The following MYH13 variants were observed in gnomAD, a reference collection of about 807,000 sequenced individuals.
MYH13 encodes the protein myosin-13.
Under a neutral mutation model 232.1 loss-of-function variants are expected in MYH13, and 177 were observed. The ratio of observed to expected loss-of-function variants is 0.76; its 90% CI spans 0.67 to 0.86. The LOEUF (loss-of-function observed/expected upper bound fraction) is 0.86. MYH13 is among the 40% of genes least tolerant of loss of function. The pLI is 0.00. For missense variants in MYH13, 2,246 were observed against 2,405.9 expected (o/e 0.93, Z 1.39); for synonymous variants, 884 against 923.5 (o/e 0.96, Z 0.78).
Position 10,332,127 on chromosome 17 carries a change from C to G in MYH13, c.2270G>C (p.Arg757Pro). 6.2e-7 allele frequency: 1 copy of G among 1,613,986 alleles called. No individual in the cohort carries two copies. Among genetic ancestry groups the G allele is most frequent in the Non-Finnish European group, 8.5e-7 (1 of 1,179,876 alleles). Residue 757 changes from arginine to proline, a missense_variant, in exon 20 of 41, where the codon CGG becomes CCG. By Grantham distance (103) the Arg-to-Pro change is moderately radical (BLOSUM62 -2). Transcript: ENST00000252172. The stretch of plus-strand genomic sequence containing the variant: ...GGTGTTGCCGAACCTGAACTGCTCC[C>G]GGTCCACATCGATGGAGTTGAGGAG... ...EKLLNSIDVD[R>P]EQFRFGNTKV...
intron 2 of MYH13, among the ~76,000 whole-genome samples, chr17:10,366,806 G>A (rs1419329262): frequency 6.6e-6 from 1 of 152,138 alleles, no homozygotes. Context: ...TTGGTAACTG[G>A]CCATTGTTGA....
In MYH13 at chr17:10,306,492, G is replaced by A. The variant is rs140857232; in HGVS notation, c.5433C>T (p.Gly1811=). Residue 1811 remains glycine, a synonymous_variant, in exon 37 of 41, where the codon GGC becomes GGT. Coordinates refer to ENST00000252172, the MANE Select transcript of MYH13 (RefSeq NM_003802.3). The surrounding 1 kb of genome is among the most constrained non-coding windows in gnomAD (Gnocchi z 4.3). ...LDEAEQLALK[G]GKKQIQKLEN... ...CCAGTTTCTGGATCTGCTTCTTCCC[G>A]CCCTTCAGCGCCAGTTGTTCAGCCT... 5.6e-6 allele frequency: 9 copies of A among 1,613,980 alleles called. No individual in the cohort carries two copies. Among genetic ancestry groups the A allele is most frequent in the Admixed American group, 5.0e-5 (3 of 60,000 alleles).
chr17:10,338,173 G>A (rs1045570130), intron 18 of MYH13, among the ~76,000 whole-genome samples: 3 of 152,178 alleles, frequency 2.0e-5, no homozygotes, highest in African/African-American at 7.2e-5. Context: ...CCACAAGCAT[G>A]TTTGATTTAT....
At chr17:10,311,835 G>A in intron 32 of MYH13, 76 bp downstream of exon 32, 4 of 1,540,996 alleles carry the variant, frequency 2.6e-6, no homozygotes, top group Non-Finnish European at 3.6e-6. Context: ...GTCTGGAGAT[G>A]GCTGTGGCCA....
chr17:10,307,883 G>A (rs985807976), intron 35 of MYH13, among the ~76,000 whole-genome samples: 1 of 152,100 alleles, frequency 6.6e-6, no homozygotes, highest in African/African-American at 2.4e-5. Context: ...TAGTTATGAG[G>A]AAGTTCATCA....
chr17:10,310,994 T>A (rs1906489999), intron 33 of MYH13, 109 bp downstream of exon 33: 3 of 1,374,594 alleles, frequency 2.2e-6, no homozygotes, highest in Non-Finnish European at 3.0e-6. Context: ...TTACTCCCAA[T>A]GGAGACTCAG....
In MYH13 at chr17:10,365,840, GGTGTGTGTGTGTGTGTGTGTGTGT is replaced by G. The variant is rs150455118; in HGVS notation, c.-12-1322_-12-1299del. 2.9e-3 allele frequency among the ~76,000 whole-genome samples: 402 copies of G among 140,290 alleles called. 16 individuals carry two copies. The East Asian group carries it at 0.067, about 23-fold the overall frequency. 92.0% of individuals were successfully genotyped at this position (140,290 alleles called of 152,430 possible). ...ATACCCACCTTAGAACTTGCTGCAT[GGTGTGTGTGTGTGTGTGTGTGTGT>G]GTGTGTGTGTGTGTGTGTGTGTATG... On this transcript the variant is annotated intron_variant, in intron 2 of 40. Transcript: ENST00000252172.
At chr17:10,362,606 C>T (rs1033198751) in intron 3 of MYH13, 103 bp from the exon 4 acceptor site, 21 of 1,448,612 alleles carry the variant, frequency 1.4e-5, no homozygotes, top group East Asian at 6.8e-5. Flanking sequence ...GAGGAATTAC[C>T]GCATTGTGAT....
In MYH13 at chr17:10,309,547, A is replaced by G. The variant is rs773850780; in HGVS notation, c.4940T>C (p.Leu1647Pro). The change falls in exon 34 of 41, where the codon CTG (leucine) becomes CCG (proline). Residue 1647 changes from leucine to proline, a missense_variant. Coordinates refer to ENST00000252172, the MANE Select transcript of MYH13 (RefSeq NM_003802.3). ...CTTGAGCTGGCCCTGGACCGTGCGC[A>G]GATGCTTCTGGGTCTCTGCCATCTG... Reference protein sequence around the residue: ...NRQMAETQKHLRTVQGQLKDS... With the variant: ...NRQMAETQKHPRTVQGQLKDS... 12 of 1,611,994 alleles carry G rather than the reference A, an allele frequency of 7.4e-6. No homozygotes were observed. The Middle Eastern group carries it at 4.9e-4, about 66-fold the overall frequency.
chr17:10,354,170 A>G (rs1157236902), intron 11 of MYH13, among the ~76,000 whole-genome samples: 2 of 152,198 alleles, frequency 1.3e-5, no homozygotes, highest in Non-Finnish European at 2.9e-5. Flanking sequence ...AAGATTATTA[A>G]TCCTACAGGT....
Position 10,319,016 on chromosome 17 carries a change from C to G in MYH13, c.3512G>C (p.Arg1171Thr). Residue 1171 changes from arginine to threonine, a missense_variant, in exon 27 of 41, where the codon AGG (arginine) becomes ACG (threonine). Arg to Thr is a moderately conservative substitution (Grantham distance 71). Coordinates refer to ENST00000252172, the MANE Select transcript of MYH13 (RefSeq NM_003802.3). ...GCGCATTTTCTGGAACTCAGCCTCC[C>G]TCTTCTTGTTCATCTCAATCTGGGC... is the stretch of plus-strand genomic sequence containing the variant. ...TSAQIEMNKK[R>T]EAEFQKMRRD... is the part of the protein sequence containing the mutation. 1.2e-6 allele frequency: 2 copies of G among 1,614,140 alleles called. No individual in the cohort carries two copies. Among genetic ancestry groups the G allele is most frequent in the Non-Finnish European group, 1.7e-6 (2 of 1,180,024 alleles).
intron 2 of MYH13, among the ~76,000 whole-genome samples, chr17:10,365,767 T>G (rs1425469971): frequency 1.3e-5 from 2 of 151,862 alleles, no homozygotes; most frequent in African/African-American, 4.8e-5. Context: ...TCTCTAAACT[T>G]TGTGCGTGGC....
intron 8 of MYH13, among the ~76,000 whole-genome samples, 185 bp downstream of exon 8, chr17:10,357,550 C>G (rs563497775): frequency 1.2e-4 from 18 of 152,264 alleles, no homozygotes; most frequent in African/African-American, 4.3e-4. Context: ...CTCCCTCTGC[C>G]AGGACCAAGC....
At chr17:10,336,226 C>G (rs1160093766) in intron 18 of MYH13, among the ~76,000 whole-genome samples, 1 of 152,086 alleles carries the variant, frequency 6.6e-6, no homozygotes, top group African/African-American at 2.4e-5. Context: ...TTTCCTTAAA[C>G]CCGGCCTGAG....
At chr17:10,351,330 T>C (rs981085978) in intron 11 of MYH13, among the ~76,000 whole-genome samples, 7 of 152,020 alleles carry the variant, frequency 4.6e-5, no homozygotes, top group Non-Finnish European at 8.8e-5. Context: ...TACTGAGAGC[T>C]GGGAATGTCA....
intron 15 of MYH13, among the ~76,000 whole-genome samples, chr17:10,344,820 CA>C (rs10566615): frequency 0.16 from 8,698 of 53,522 alleles, 478 homozygotes; most frequent in African/African-American, 0.34. Flanking sequence ...GACTCCGTCT[CA>C]AAAAAAAAAA....
chr17:10,324,387 T>C lies in MYH13; in HGVS notation c.2692-123A>G. The C allele has an allele frequency of 4.4e-6, 5 of 1,135,602 alleles. No homozygotes were observed. In the South Asian group the frequency reaches 7.4e-5, roughly 17 times the overall value. The allele number at this position is 1,135,602 out of a possible 1,614,324, so 70.3% of individuals were successfully genotyped here. On this transcript the variant is annotated intron_variant, in intron 22 of 40. Coordinates refer to ENST00000252172, the MANE Select transcript of MYH13 (RefSeq NM_003802.3). Reference sequence around the variant, plus strand: ...CCAAGAAATGGGTCATGCACACACATGCACGCACATGTGCACACACTGCAC... The same window carrying C: ...CCAAGAAATGGGTCATGCACACACACGCACGCACATGTGCACACACTGCAC...
At chr17:10,332,455 C>A (rs1005485862) in intron 19 of MYH13, among the ~76,000 whole-genome samples, 9 of 152,154 alleles carry the variant, frequency 5.9e-5, no homozygotes, top group African/African-American at 2.2e-4. Context: ...GGGAGCCCAG[C>A]TGAGTGCATG....
chr17:10,315,410 G>A (rs1906665588), intron 29 of MYH13, among the ~76,000 whole-genome samples: 1 of 152,152 alleles, frequency 6.6e-6, no homozygotes, highest in South Asian at 2.1e-4. Context: ...GTCTGCCTCA[G>A]CCTCCCGAGT....
Sources: allele counts gnomAD v4.1 joint callset (sites outside exome capture counted in the v4.1 genomes callset), GRCh38; gene constraint gnomAD v4.1.1; non-coding constraint Gnocchi (gnomAD v3.1); transcripts MANE v1.5; gene names NCBI Gene and HGNC (gene_info 2026-07-23, HGNC 2026-07-21).